TNFRSF19: variants seen among roughly 807,000 people sequenced by gnomAD.
The protein encoded by TNFRSF19 is tumor necrosis factor receptor superfamily member 19.
TNFRSF19 carries 27 observed loss-of-function variants against 46.4 expected under a neutral mutation model. The observed-to-expected ratio is 0.58, with a 90% CI of 0.43 to 0.80. The LOEUF (loss-of-function observed/expected upper bound fraction) is 0.80, where lower values mean the gene tolerates loss of function less well. Among genes scored for constraint, TNFRSF19 ranks in the 30% least tolerant of loss-of-function variants. The probability of loss-of-function intolerance (pLI) is 0.00; values close to 1 mark genes in which losing one functional copy is unlikely to be tolerated. For synonymous variants in TNFRSF19, 204 were observed against 205.0 expected, an observed-to-expected ratio of 1.00 and a Z score of 0.04; for missense variants, 511 against 530.8, an observed-to-expected ratio of 0.96 and a Z score of 0.37.
intron 3 of TNFRSF19, among the ~76,000 whole-genome samples, chr13:23,612,124 AAAAAG>A (rs1245421080): frequency 2.0e-5 from 3 of 152,182 alleles, no homozygotes; most frequent in Non-Finnish European, 4.4e-5. Context: ...TACGAATGAT[AAAAAG>A]AAAAGAAATG....
Position 23,624,754 on chromosome 13 carries a change from T to C in TNFRSF19, c.360-1953T>C, listed in dbSNP as rs568493694. ...TTCATTGCAAATATATACACATAAC[T>C]TTTTTTTTTTTTTGAGGTGGAGTTT... On this transcript the variant is annotated intron_variant, in intron 4 of 9. Coordinates refer to ENST00000248484, the MANE Select transcript of TNFRSF19 (RefSeq NM_148957.4). 1.7e-4 allele frequency among the ~76,000 whole-genome samples: 24 copies of C among 144,182 alleles called. No homozygotes were observed. The East Asian group carries it at 4.4e-3, about 27-fold the overall frequency. The allele number at this position is 144,182 out of a possible 152,430, so 94.6% of individuals were successfully genotyped here. A position where few individuals can be genotyped will look rare whatever the true frequency, so the allele number is the denominator to read the frequency against.
chr13:23,647,604 G>T (rs1023418972), intron 5 of TNFRSF19, among the ~76,000 whole-genome samples: 1 of 151,992 alleles, frequency 6.6e-6, no homozygotes. Flanking sequence ...TTGCAATGTT[G>T]CCCAGGCTAG....
intron 7 of TNFRSF19, among the ~76,000 whole-genome samples, chr13:23,666,151 G>A (rs899338719): frequency 2.0e-5 from 3 of 152,186 alleles, no homozygotes; most frequent in South Asian, 2.1e-4. Context: ...TGGTCACTTC[G>A]TTAAGGGGGT....
intron 3 of TNFRSF19, among the ~76,000 whole-genome samples, chr13:23,605,446 G>A (rs1880447302): frequency 6.6e-6 from 1 of 152,168 alleles, no homozygotes; most frequent in East Asian, 1.9e-4. Flanking sequence ...ATTTGATCCA[G>A]CAATTGAGCT....
chr13:23,592,927 T>A (rs1300750204), intron 2 of TNFRSF19, among the ~76,000 whole-genome samples: 1 of 152,164 alleles, frequency 6.6e-6, no homozygotes, highest in African/African-American at 2.4e-5. Context: ...ATTTTTCAAT[T>A]CAGATTTTTT....
intron 3 of TNFRSF19, among the ~76,000 whole-genome samples, chr13:23,596,919 A>C (rs1039075819): frequency 6.6e-6 from 1 of 152,238 alleles, no homozygotes. Context: ...CAGTGCAATC[A>C]AATTAGAACT....
At chr13:23,583,772 A>G (rs1168675132) in intron 1 of TNFRSF19, among the ~76,000 whole-genome samples, 1 of 152,234 alleles carries the variant, frequency 6.6e-6, no homozygotes, top group Non-Finnish European at 1.5e-5. Flanking sequence ...AAATTTAAAC[A>G]GCTGTGTTTG....
chr13:23,659,824 G>T lies in TNFRSF19; in HGVS notation c.611-541G>T, dbSNP rs1593295688. ...CGGCCTATTATATGTATTATGCCCT[G>T]TATTCTTACATTAAAGTAAGCTAGA... On this transcript the variant is annotated intron_variant, in intron 6 of 9. Transcript: ENST00000248484. This position sits in a 1 kb window ranked among gnomAD's most constrained non-coding sequence, Gnocchi z 4.9. 6.6e-6 allele frequency among the ~76,000 whole-genome samples: 1 copy of T among 152,114 alleles called. No individual in the cohort carries two copies. The highest frequency in any genetic ancestry group is 1.5e-5 in the Non-Finnish European group (1 of 68,018).
At chr13:23,621,608 C>A (rs558557449) in intron 4 of TNFRSF19, among the ~76,000 whole-genome samples, 109 of 152,250 alleles carry the variant, frequency 7.2e-4, no homozygotes, top group African/African-American at 2.6e-3. Flanking sequence ...CAGTCTACAG[C>A]CAGATTTTTT....
At chr13:23,664,794 G>A (rs1406385807) in intron 7 of TNFRSF19, among the ~76,000 whole-genome samples, 1 of 152,226 alleles carries the variant, frequency 6.6e-6, no homozygotes, top group African/African-American at 2.4e-5. Flanking sequence ...GCTATGTGGT[G>A]TAGCCCATTG....
intron 5 of TNFRSF19, among the ~76,000 whole-genome samples, chr13:23,641,649 G>A (rs938961212): frequency 6.6e-6 from 1 of 152,094 alleles, no homozygotes; most frequent in African/African-American, 2.4e-5. Context: ...CTTAGTAATG[G>A]CTTTACCATT....
intron 5 of TNFRSF19, among the ~76,000 whole-genome samples, chr13:23,635,287 GA>G (rs2138319204): frequency 6.6e-6 from 1 of 152,258 alleles, no homozygotes; most frequent in South Asian, 2.1e-4. Context: ...CTCAAAGGTT[GA>G]AAAGGGCATT....
At chr13:23,615,791 C>T (rs1336102776) in intron 3 of TNFRSF19, 76 bp from the exon 4 acceptor site, 10 of 1,418,124 alleles carry the variant, frequency 7.1e-6, no homozygotes, top group Middle Eastern at 2.6e-4. Flanking sequence ...ACCAGGTCTT[C>T]GTTTCATCCT....
At chr13:23,590,428 G>A (rs1326335496) in intron 2 of TNFRSF19, among the ~76,000 whole-genome samples, 176 bp downstream of exon 2, 1 of 152,020 alleles carries the variant, frequency 6.6e-6, no homozygotes, top group Non-Finnish European at 1.5e-5. Flanking sequence ...TCTGCCTCCC[G>A]GGTTCAAGTG....
intron 5 of TNFRSF19, among the ~76,000 whole-genome samples, chr13:23,648,228 G>A (rs1883439134): frequency 6.6e-6 from 1 of 152,132 alleles, no homozygotes; most frequent in Non-Finnish European, 1.5e-5. Flanking sequence ...GACATGGAAG[G>A]TGCTTCCATA....
intron 9 of TNFRSF19, 21 bp from the exon 10 acceptor site, chr13:23,673,351 T>C: frequency 6.3e-7 from 1 of 1,594,070 alleles, no homozygotes; most frequent in Non-Finnish European, 8.6e-7. Flanking sequence ...TTCTAAAGCT[T>C]CCTTTCTGTT....
At chr13:23,648,754 G>A (rs1232857057) in intron 5 of TNFRSF19, among the ~76,000 whole-genome samples, 1 of 152,138 alleles carries the variant, frequency 6.6e-6, no homozygotes, top group African/African-American at 2.4e-5. Flanking sequence ...GTCATGTTAA[G>A]GAAGTTTCCT....
chr13:23,582,409 A>AT (rs989148020), intron 1 of TNFRSF19, among the ~76,000 whole-genome samples: 7 of 152,094 alleles, frequency 4.6e-5, no homozygotes, highest in African/African-American at 1.7e-4. Context: ...TCAAAAAAAA[A>AT]AATAATAATA....
At chr13:23,597,337 A>C (rs1879804082) in intron 3 of TNFRSF19, among the ~76,000 whole-genome samples, 2 of 152,102 alleles carry the variant, frequency 1.3e-5, no homozygotes, top group South Asian at 4.1e-4. Flanking sequence ...AACAAAATAG[A>C]TAGATCGCTA....
Sources: gnomAD v4.1 joint callset for allele counts (sites outside exome capture counted in the v4.1 genomes callset) on GRCh38, gnomAD v4.1.1 for gene constraint, Gnocchi (gnomAD v3.1) non-coding constraint, MANE v1.5 for transcripts, NCBI Gene and HGNC (gene_info 2026-07-23, HGNC 2026-07-21) for gene names.